The following WWOX variants were observed in gnomAD, a reference collection of about 807,000 sequenced individuals.
WWOX encodes WW domain-containing oxidoreductase.
WWOX carries 69 observed loss-of-function variants against 46.2 expected under a neutral mutation model. The ratio of observed to expected loss-of-function variants is 1.49; its 90% CI spans 1.23 to 1.82. WWOX has a LOEUF of 1.82. WWOX is among the 40% of genes most tolerant of loss of function. The pLI, the probability that WWOX is intolerant of heterozygous loss-of-function variation, is 0.00. For missense variants in WWOX, 919 were observed against 542.6 expected, an observed-to-expected ratio of 1.69 and a Z score of -6.89; for synonymous variants, 359 against 202.6, an observed-to-expected ratio of 1.77 and a Z score of -6.56.
chr16:78,649,150 T>G (rs570614553), intron 8 of WWOX, among the ~76,000 whole-genome samples: 21 of 151,848 alleles, frequency 1.4e-4, no homozygotes, highest in Admixed American at 9.2e-4. Flanking sequence ...ATTTTTTTGG[T>G]TTTTTTTGTA....
chr16:79,028,490 G>A (rs1207859418), intron 8 of WWOX, among the ~76,000 whole-genome samples: 2 of 151,742 alleles, frequency 1.3e-5, no homozygotes, highest in Admixed American at 6.6e-5. Flanking sequence ...ATTGTAGGCT[G>A]CAAATCTATC....
At chr16:78,678,334 C>G (rs867156377) in intron 8 of WWOX, among the ~76,000 whole-genome samples, 1 of 152,176 alleles carries the variant, frequency 6.6e-6, no homozygotes, top group Non-Finnish European at 1.5e-5. Flanking sequence ...TATGAGCGGG[C>G]CACTGCACTT....
chr16:78,386,111 C>G (rs576817165), intron 5 of WWOX, among the ~76,000 whole-genome samples: 1 of 152,180 alleles, frequency 6.6e-6, no homozygotes, highest in Non-Finnish European at 1.5e-5. Context: ...AGTTCTTGTA[C>G]TCAATTTCCT....
chr16:79,027,055 G>A (rs1597296487), intron 8 of WWOX, among the ~76,000 whole-genome samples: 1 of 151,602 alleles, frequency 6.6e-6, no homozygotes, highest in Non-Finnish European at 1.5e-5. Flanking sequence ...CAAGGCAGGA[G>A]GATCACGTGA....
At chr16:78,167,790 T>C (rs2035021029) in intron 5 of WWOX, 1 of 152,218 alleles carries the variant, frequency 6.6e-6, no homozygotes, top group Non-Finnish European at 1.5e-5. Context: ...TCTGGTGACA[T>C]CTGTTAGGCT....
At chr16:78,493,359 G>A (rs1396320202) in intron 8 of WWOX, among the ~76,000 whole-genome samples, 13 of 152,156 alleles carry the variant, frequency 8.5e-5, no homozygotes, top group Non-Finnish European at 1.6e-4. Flanking sequence ...CTGCAAGATC[G>A]ACAGGCTTAC....
intron 8 of WWOX, among the ~76,000 whole-genome samples, chr16:78,716,691 T>C (rs1262091403): frequency 1.3e-5 from 2 of 151,892 alleles, no homozygotes; most frequent in Non-Finnish European, 2.9e-5. Context: ...AGGAGAATCA[T>C]GGGACCACCT....
chr16:78,551,400 G>C (rs2044169066), intron 8 of WWOX: 1 of 152,012 alleles, frequency 6.6e-6, no homozygotes, highest in Non-Finnish European at 1.5e-5. Context: ...CCTTTACATT[G>C]ACCCAGTGTT....
At chr16:78,682,355 G>GT (rs1196312114) in intron 8 of WWOX, among the ~76,000 whole-genome samples, 2 of 152,116 alleles carry the variant, frequency 1.3e-5, no homozygotes, top group African/African-American at 2.4e-5. Context: ...TTTCAGCTCA[G>GT]TTTTTTTGTA....
At chr16:78,122,351 A>G (rs1180697203) in intron 4 of WWOX, among the ~76,000 whole-genome samples, 1 of 152,128 alleles carries the variant, frequency 6.6e-6, no homozygotes, top group Non-Finnish European at 1.5e-5. Context: ...TTAGATTTTA[A>G]TTACTTTTTT....
At chr16:78,404,875 G>A (rs2082490749) in intron 6 of WWOX, among the ~76,000 whole-genome samples, 1 of 152,162 alleles carries the variant, frequency 6.6e-6, no homozygotes, top group South Asian at 2.1e-4. Flanking sequence ...GAGAAAAATG[G>A]AAACAACCAG....
chr16:78,646,141 C>A (rs866768935), intron 8 of WWOX, among the ~76,000 whole-genome samples: 2 of 152,210 alleles, frequency 1.3e-5, no homozygotes, highest in Admixed American at 1.3e-4. Context: ...TGCCAAATAA[C>A]ACCTTTGCAG....
intron 8 of WWOX, among the ~76,000 whole-genome samples, chr16:78,515,668 G>T (rs937708074): frequency 6.6e-6 from 1 of 152,132 alleles, no homozygotes; most frequent in Non-Finnish European, 1.5e-5. Flanking sequence ...GCCTCTCCTC[G>T]CAGCCGCTCC....
chr16:79,201,135 C>T (rs1370647795), intron 8 of WWOX, among the ~76,000 whole-genome samples: 2 of 152,026 alleles, frequency 1.3e-5, no homozygotes, highest in Non-Finnish European at 1.5e-5. Flanking sequence ...GACAGGAGTC[C>T]AATGTAAGGA....
At chr16:78,315,519 G>A (rs2080340770) in intron 5 of WWOX, among the ~76,000 whole-genome samples, 1 of 152,042 alleles carries the variant, frequency 6.6e-6, no homozygotes. Flanking sequence ...GCATGGTGGG[G>A]TGCAGCTGTA....
intron 8 of WWOX, among the ~76,000 whole-genome samples, chr16:78,917,937 C>T (rs557486966): frequency 1.3e-5 from 2 of 152,230 alleles, no homozygotes; most frequent in South Asian, 4.1e-4. Context: ...CGTGGTGGCT[C>T]ACACACATAA....
intron 8 of WWOX, among the ~76,000 whole-genome samples, chr16:79,198,960 G>T (rs957674014): frequency 6.6e-6 from 1 of 152,132 alleles, no homozygotes; most frequent in Non-Finnish European, 1.5e-5. Flanking sequence ...GTTGAGACTG[G>T]GTGTCTAGAG....
chr16:78,243,591 G>C (rs917489772), intron 5 of WWOX, among the ~76,000 whole-genome samples: 15 of 152,076 alleles, frequency 9.9e-5, no homozygotes, highest in African/African-American at 3.6e-4. Flanking sequence ...CTGTCTTCCA[G>C]GCTGGAATGC....
At chr16:78,729,942 C>A (rs949563866) in intron 8 of WWOX, among the ~76,000 whole-genome samples, 4 of 152,110 alleles carry the variant, frequency 2.6e-5, no homozygotes, top group African/African-American at 4.8e-5. Flanking sequence ...AATGCCAGAT[C>A]CAGAGCAATC....
Sources: allele counts gnomAD v4.1 joint callset (sites outside exome capture counted in the v4.1 genomes callset), GRCh38; gene constraint gnomAD v4.1.1; transcripts MANE v1.5; gene names NCBI Gene and HGNC (gene_info 2026-07-23, HGNC 2026-07-21).